The following RFTN1 variants were observed in gnomAD, a reference collection of about 807,000 sequenced individuals.
The protein encoded by RFTN1 is raftlin.
Under a neutral mutation model 46.5 loss-of-function variants are expected in RFTN1, and 26 were observed. That is an observed-to-expected ratio of 0.56 (90% CI 0.41 to 0.78). The LOEUF is 0.78. Ranked by LOEUF, RFTN1 falls within the 30% of genes least tolerant of loss-of-function variation. The probability of loss-of-function intolerance (pLI) is 0.00; values close to 1 mark genes in which losing one functional copy is unlikely to be tolerated. For synonymous variants in RFTN1, 261 were observed against 284.2 expected (o/e 0.92, Z 0.82); for missense variants, 693 against 718.7 (o/e 0.96, Z 0.41).
Position 16,359,907 on chromosome 3 carries a change from G to T in RFTN1, c.1031-1860C>A, listed in dbSNP as rs1481897278. 2.0e-5 allele frequency among the ~76,000 whole-genome samples: 3 copies of T among 151,664 alleles called. No homozygotes were observed. The East Asian group carries it at 5.8e-4, about 29-fold the overall frequency. ...CTGGAACTGCCAGTATTTTCTAGAA[G>T]TCACAAAGAAAAAGACTGACAAATG... On this transcript the variant is annotated intron_variant, in intron 6 of 9. Coordinates refer to ENST00000334133, the MANE Select transcript of RFTN1 (RefSeq NM_015150.2).
intron 2 of RFTN1, among the ~76,000 whole-genome samples, chr3:16,470,720 GCAAA>G (rs1339371943): frequency 6.6e-6 from 1 of 152,132 alleles, no homozygotes; most frequent in African/African-American, 2.4e-5. Flanking sequence ...GTTTGCTAAA[GCAAA>G]CAAACAAAAT....
intron 4 of RFTN1, among the ~76,000 whole-genome samples, chr3:16,401,092 G>A (rs576234969): frequency 4.6e-5 from 7 of 152,080 alleles, no homozygotes; most frequent in African/African-American, 9.7e-5. Context: ...GGGGCCGATC[G>A]CTTGAGCCCA....
At chr3:16,456,802 C>T (rs539130947) in intron 2 of RFTN1, among the ~76,000 whole-genome samples, 331 of 152,144 alleles carry the variant, frequency 2.2e-3, no homozygotes, top group African/African-American at 7.6e-3. Flanking sequence ...GTGGAAAAGG[C>T]GAACAAAGGT....
intron 4 of RFTN1, among the ~76,000 whole-genome samples, chr3:16,392,215 G>A (rs1052807207): frequency 3.3e-5 from 5 of 152,208 alleles, no homozygotes; most frequent in South Asian, 2.1e-4. Context: ...TTGTAATTCT[G>A]TCACACTGAT....
chr3:16,414,267 CAG>C (rs1350258434), intron 3 of RFTN1, among the ~76,000 whole-genome samples: 7 of 145,206 alleles, frequency 4.8e-5, no homozygotes, highest in African/African-American at 1.8e-4. Flanking sequence ...GAGCACCTAA[CAG>C]AGTATGCCCA....
At chr3:16,467,576 G>A (rs1307099221) in intron 2 of RFTN1, among the ~76,000 whole-genome samples, 4 of 152,226 alleles carry the variant, frequency 2.6e-5, no homozygotes, top group Non-Finnish European at 4.4e-5. Context: ...GAGTGGGCAG[G>A]GCCTGAGCCC....
chr3:16,361,651 G>C lies in RFTN1; in HGVS notation c.1031-3604C>G, dbSNP rs1364284602. On this transcript the variant is annotated intron_variant, in intron 6 of 9. Coordinates refer to ENST00000334133, the MANE Select transcript of RFTN1 (RefSeq NM_015150.2). This position sits in a 1 kb window ranked among gnomAD's most constrained non-coding sequence, Gnocchi z 4.3. ...ACAGCCAAGGACCAGGTGAGCAGCA[G>C]AATCAGGAGAGAAGGTGGTTAAGAC... is the stretch of plus-strand genomic sequence containing the variant. 1.3e-5 allele frequency among the ~76,000 whole-genome samples: 2 copies of C among 152,214 alleles called. No homozygotes were observed. Among genetic ancestry groups the C allele is most frequent in the African/African-American group, 2.4e-5 (1 of 41,460 alleles).
chr3:16,346,590 A>G lies in RFTN1; in HGVS notation c.1146+11342T>C. On this transcript the variant is annotated intron_variant, in intron 7 of 9. Coordinates refer to ENST00000334133, the MANE Select transcript of RFTN1 (RefSeq NM_015150.2). The surrounding 1 kb of genome is among the most constrained non-coding windows in gnomAD (Gnocchi z 4.4). The stretch of plus-strand genomic sequence containing the variant: ...CTCGATGGCCCAGGGCTTCTTCCTC[A>G]CTGACACCCCCCAGGCCTGGACAAC... 6.6e-6 allele frequency: 1 copy of G among 151,988 alleles called. No homozygotes were observed. The highest frequency in any genetic ancestry group is 1.5e-5 in the Non-Finnish European group (1 of 68,010). The allele number at this position is 151,988 out of a possible 1,614,324, so 9.4% of individuals were successfully genotyped here.
rs2068986630 is a variant in RFTN1, at chr3:16,321,007, G to C, written c.1332+2369C>G. On this transcript the variant is annotated intron_variant, in intron 9 of 9. Transcript: ENST00000334133. The surrounding 1 kb of genome is among the most constrained non-coding windows in gnomAD (Gnocchi z 4.8). ...AATAGCTGAGGCGAGTGATGGTAGA[G>C]AGAAGTGGAGGGATTCCAGAGCCTC... 6.6e-6 allele frequency among the ~76,000 whole-genome samples: 1 copy of C among 152,204 alleles called. No individual in the cohort carries two copies. The highest frequency in any genetic ancestry group is 6.5e-5 in the Admixed American group (1 of 15,282).
chr3:16,324,237 A>AG (rs2069422774), intron 8 of RFTN1, among the ~76,000 whole-genome samples: 1 of 152,244 alleles, frequency 6.6e-6, no homozygotes, highest in Non-Finnish European at 1.5e-5. Context: ...TGATTAAATC[A>AG]GGCTACTTAA....
In RFTN1 at chr3:16,421,585, C is replaced by T. The variant is rs1462333896; in HGVS notation, c.333-12102G>A. 4.6e-5 allele frequency among the ~76,000 whole-genome samples: 7 copies of T among 152,128 alleles called. No individual in the cohort carries two copies. Among genetic ancestry groups the T allele is most frequent in the East Asian group, 1.9e-4 (1 of 5,170 alleles). On this transcript the variant is annotated intron_variant, in intron 3 of 9. Transcript: ENST00000334133. This position sits in a 1 kb window ranked among gnomAD's most constrained non-coding sequence, Gnocchi z 4.6. Reference sequence around the variant, plus strand: ...CAGGATGGTCTCGATCCCTTGACTTCGTGATCCGCCCGCCTCGGCCTCCCA... The same window carrying T: ...CAGGATGGTCTCGATCCCTTGACTTTGTGATCCGCCCGCCTCGGCCTCCCA...
chr3:16,404,132 AATATATAATATACATTTTATATATATT>A lies in RFTN1; in HGVS notation c.441+5216_441+5242del, dbSNP rs2074750665. ...AATATATAATATACATTTTATATAT[AATATATAATATACATTTTATATATATT>A]ATATATAATATACATTTTATATATA... On this transcript the variant is annotated intron_variant, in intron 4 of 9. Coordinates refer to ENST00000334133, the MANE Select transcript of RFTN1 (RefSeq NM_015150.2). Among the ~76,000 whole-genome samples, 6 of 194 alleles carry A rather than the reference AATATATAATATACATTTTATATATATT, an allele frequency of 0.031. 2 individuals are homozygous for A. The South Asian group carries it at 0.5, about 16-fold the overall frequency. 0.1% of individuals were successfully genotyped at this position (194 alleles called of 152,430 possible). A position where few individuals can be genotyped will look rare whatever the true frequency, so the allele number is the denominator to read the frequency against.
intron 5 of RFTN1, among the ~76,000 whole-genome samples, chr3:16,375,276 C>A (rs985860633): frequency 2.0e-5 from 3 of 151,938 alleles, no homozygotes; most frequent in African/African-American, 7.3e-5. Flanking sequence ...AGGAGAGAGG[C>A]TGGGGGTCAG....
rs116075595 is a variant in RFTN1 at position 16,482,512 on chromosome 3, T to C, written c.145+11213A>G. On this transcript the variant is annotated intron_variant, in intron 2 of 9. Coordinates refer to ENST00000334133, the MANE Select transcript of RFTN1 (RefSeq NM_015150.2). ...CTCAAAGCCATACCCGAGGGACCTT[T>C]GGTATTGTCCACAATCCTTAAGAGT... is the stretch of plus-strand genomic sequence containing the variant. Among the ~76,000 whole-genome samples, 1,095 of 152,308 alleles carry C rather than the reference T, an allele frequency of 7.2e-3. 12 individuals carry two copies. Among genetic ancestry groups the C allele is most frequent in the African/African-American group, 0.025 (1,046 of 41,554 alleles).
intron 4 of RFTN1, among the ~76,000 whole-genome samples, chr3:16,386,243 G>T (rs1281487604): frequency 6.6e-6 from 1 of 152,206 alleles, no homozygotes; most frequent in Non-Finnish European, 1.5e-5. Context: ...AAGTGAAGAG[G>T]CAAGAAAGCC....
intron 2 of RFTN1, among the ~76,000 whole-genome samples, chr3:16,441,881 G>A (rs2075632063): frequency 1.3e-5 from 2 of 152,134 alleles, no homozygotes; most frequent in Non-Finnish European, 2.9e-5. Flanking sequence ...CAATCTGCCT[G>A]GGCTTTGCAG....
Position 16,403,874 on chromosome 3 carries a change from TTATATA to T in RFTN1, c.441+5495_441+5500del, listed in dbSNP as rs1182581804. The stretch of plus-strand genomic sequence containing the variant: ...ATATTTTATATATATTATATTATAT[TTATATA>T]TATATATAATATATATTTTATATAT... On this transcript the variant is annotated intron_variant, in intron 4 of 9. Coordinates refer to ENST00000334133, the MANE Select transcript of RFTN1 (RefSeq NM_015150.2). Among the ~76,000 whole-genome samples the T allele has an allele frequency of 1.0e-3, 2 of 1,972 alleles. 1 individual carries two copies. Among genetic ancestry groups the T allele is most frequent in the Non-Finnish European group, 1.2e-3 (2 of 1,670 alleles). The allele number at this position is 1,972 out of a possible 152,430, so 1.3% of individuals were successfully genotyped here.
At chr3:16,377,576 T>G in intron 5 of RFTN1, 142 bp downstream of exon 5, 1 of 1,344,824 alleles carries the variant, frequency 7.4e-7, no homozygotes, top group Non-Finnish European at 9.9e-7. Flanking sequence ...GATAACTGCT[T>G]GATAAAGTTT....
In RFTN1 at chr3:16,489,501, C is replaced by T. The variant is rs1445596919; in HGVS notation, c.145+4224G>A. The stretch of plus-strand genomic sequence containing the variant: ...AAGGGGCATGAGGAAACTTCTGGGG[C>T]AATGGAAATGTTCTGCATCTTGATG... On this transcript the variant is annotated intron_variant, in intron 2 of 9. Transcript: ENST00000334133. The surrounding 1 kb of genome is among the most constrained non-coding windows in gnomAD (Gnocchi z 4.0). 2.0e-5 allele frequency among the ~76,000 whole-genome samples: 3 copies of T among 152,046 alleles called. No individual in the cohort carries two copies. Among genetic ancestry groups the T allele is most frequent in the African/African-American group, 4.8e-5 (2 of 41,396 alleles).
Sources: gnomAD v4.1 joint callset for allele counts (sites outside exome capture counted in the v4.1 genomes callset) on GRCh38, gnomAD v4.1.1 for gene constraint, Gnocchi (gnomAD v3.1) non-coding constraint, MANE v1.5 for transcripts, NCBI Gene and HGNC (gene_info 2026-07-23, HGNC 2026-07-21) for gene names.